The following MYO9B variants were observed in gnomAD, a reference collection of about 807,000 sequenced individuals.
The protein encoded by MYO9B is myosin IXB.
MYO9B carries 71 observed loss-of-function variants against 229.5 expected under a neutral mutation model. The ratio of observed to expected loss-of-function variants is 0.31; its 90% confidence interval spans 0.26 to 0.38. The LOEUF is 0.38. Ranked by LOEUF, MYO9B falls within the 10% of genes least tolerant of loss-of-function variation. MYO9B has a pLI of 1.00. For synonymous variants in MYO9B, 1,185 were observed against 1,235.8 expected (o/e 0.96, Z 0.86); for missense variants, 2,255 against 2,920.5 (o/e 0.77, Z 5.25).
At position 17,075,823 on chromosome 19, in the gene MYO9B, G is replaced by A; in HGVS notation, c.-110G>A. 1 of 150,598 alleles carries A rather than the reference G, an allele frequency of 6.6e-6. No individual in the cohort carries two copies. Among genetic ancestry groups the A allele is most frequent in the Non-Finnish European group, 1.5e-5 (1 of 67,186 alleles). 9.3% of individuals were successfully genotyped at this position (150,598 alleles called of 1,614,324 possible). ...AGCAGCGGCGGGCTGGCAGGCGGTC[G>A]TCCGGCCGGGGACCCGGCCCGGGAC... On this transcript the variant is annotated 5_prime_UTR_variant, in exon 1 of 40. Coordinates refer to ENST00000682292, the MANE Select transcript of MYO9B (RefSeq NM_004145.4).
intron 4 of MYO9B, 67 bp downstream of exon 4, chr19:17,152,773 G>C: frequency 2.2e-6 from 3 of 1,393,816 alleles, no homozygotes; most frequent in South Asian, 2.4e-5. Flanking sequence ...CTACAGAGGA[G>C]AGAAGCAAAG....
Position 17,101,937 on chromosome 19 carries a change from G to A in MYO9B, c.220G>A (p.Glu74Lys). ...GGTGGAGGTCAAAGAGTCGGGAGGC[G>A]AGGAATGGGTGCTGGACGCCAACGA... ...VLVEVKESGG[E>K]EWVLDANDSP... Residue 74 changes from glutamate (E) to lysine (K), a missense_variant, in exon 2 of 40, where the codon GAG (glutamate) becomes AAG (lysine). Physicochemically the swap from Glu to Lys is moderately conservative, Grantham distance 56 (BLOSUM62 1). Coordinates refer to ENST00000682292, the MANE Select transcript of MYO9B (RefSeq NM_004145.4). This position sits in a 1 kb window ranked among gnomAD's most constrained non-coding sequence, Gnocchi z 4.7. 10 of 1,613,562 alleles carry A rather than the reference G, an allele frequency of 6.2e-6. No homozygotes were observed. The highest frequency in any genetic ancestry group is 1.3e-5 in the African/African-American group (1 of 75,070).
chr19:17,096,152 C>T (rs2057686151), intron 1 of MYO9B, among the ~76,000 whole-genome samples: 1 of 152,170 alleles, frequency 6.6e-6, no homozygotes, highest in African/African-American at 2.4e-5. Flanking sequence ...CCATCCTGAA[C>T]TCGTTGGTTC....
At chr19:17,088,760 G>A (rs576898989) in intron 1 of MYO9B, among the ~76,000 whole-genome samples, 4 of 152,128 alleles carry the variant, frequency 2.6e-5, no homozygotes, top group South Asian at 4.2e-4. Flanking sequence ...GCGCCATCAC[G>A]GCTCACTGCA....
intron 22 of MYO9B, among the ~76,000 whole-genome samples, chr19:17,196,369 T>C (rs2073043453): frequency 6.6e-6 from 1 of 151,556 alleles, no homozygotes; most frequent in Non-Finnish European, 1.5e-5. Flanking sequence ...GGATGGATGA[T>C]ACAGATGATG....
At position 17,183,202 on chromosome 19, in the gene MYO9B, G is replaced by A. The variant is rs1185022732; in HGVS notation, c.2334-627G>A. On this transcript the variant is annotated intron_variant, in intron 15 of 39. Transcript: ENST00000682292. ...CTCCCAAAGTGCTGGGATTACAGGC[G>A]TGAGCCACTGCGCCTGGCCAGCTTT... Among the ~76,000 whole-genome samples, 7 of 152,296 alleles carry A rather than the reference G, an allele frequency of 4.6e-5. No homozygotes were observed. In the East Asian group the frequency reaches 1.4e-3, roughly 29 times the overall value.
In MYO9B at chr19:17,102,077, C is replaced by T. The variant is rs781350774; in HGVS notation, c.360C>T (p.Tyr120=). The change falls in exon 2 of 40, where the codon TAC becomes TAT. Residue 120 remains tyrosine (Y), a synonymous_variant. Coordinates refer to ENST00000682292, the MANE Select transcript of MYO9B (RefSeq NM_004145.4). The stretch of plus-strand genomic sequence containing the variant: ...GCAACGCAGATGGAACCATCAAGTA[C>T]GTGCATATGCAGCTGGTGGCGCAGG... The part of the protein sequence containing the change: ...QERNADGTIK[Y]VHMQLVAQAT... The T allele has an allele frequency of 1.8e-5, 29 of 1,612,638 alleles. No homozygotes were observed. The highest frequency in any genetic ancestry group is 1.6e-4 in the Middle Eastern group (1 of 6,084).
chr19:17,098,075 G>A (rs969548178), intron 1 of MYO9B, among the ~76,000 whole-genome samples: 1 of 133,612 alleles, frequency 7.5e-6, no homozygotes, highest in Admixed American at 8.1e-5. Context: ...TTTTCTTCAC[G>A]ATGGAGTCTC....
intron 10 of MYO9B, among the ~76,000 whole-genome samples, chr19:17,163,543 T>C: frequency 6.6e-6 from 1 of 150,554 alleles, no homozygotes; most frequent in East Asian, 1.9e-4. Flanking sequence ...AATTTTTGTA[T>C]TTTTTGTAGA....
chr19:17,106,536 G>T (rs1179283682), intron 2 of MYO9B, among the ~76,000 whole-genome samples: 2 of 152,240 alleles, frequency 1.3e-5, no homozygotes, highest in African/African-American at 4.8e-5. Flanking sequence ...ACTGCCAGTG[G>T]CCCCAGTGTC....
At chr19:17,103,863 C>G (rs971895341) in intron 2 of MYO9B, 1 of 152,000 alleles carries the variant, frequency 6.6e-6, no homozygotes, top group Non-Finnish European at 1.5e-5. Flanking sequence ...TGAGACCAGC[C>G]TGGCCAACAT....
rs762282043 is a variant in MYO9B, at chr19:17,206,833, AC to A, written c.5492+52del. 40 of 1,460,682 alleles carry A rather than the reference AC, an allele frequency of 2.7e-5. No individual in the cohort carries two copies. In the South Asian group the frequency reaches 4.4e-4, roughly 16 times the overall value. The allele number at this position is 1,460,682 out of a possible 1,614,324, so 90.5% of individuals were successfully genotyped here. A position where few individuals can be genotyped will look rare whatever the true frequency, so the allele number is the denominator to read the frequency against. Reference sequence around the variant, plus strand: ...CTGTGGGGTTAGGGTCGCATTGGGAACCCGCGAGGCAGCATTTCCCAGGAGG... The same window carrying A: ...CTGTGGGGTTAGGGTCGCATTGGGAACCGCGAGGCAGCATTTCCCAGGAGG... On this transcript the variant is annotated intron_variant, in intron 34 of 39. Coordinates refer to ENST00000682292, the MANE Select transcript of MYO9B (RefSeq NM_004145.4).
At chr19:17,210,409 G>A (rs777781425) in intron 37 of MYO9B, 29 bp downstream of exon 37, 1 of 1,567,422 alleles carries the variant, frequency 6.4e-7, no homozygotes, top group Admixed American at 1.9e-5. Flanking sequence ...GGCCCGCGGT[G>A]CATGTCTCCC....
intron 1 of MYO9B, among the ~76,000 whole-genome samples, chr19:17,085,583 G>A (rs1031482919): frequency 3.6e-4 from 55 of 152,046 alleles, no homozygotes; most frequent in Non-Finnish European, 4.6e-4. Flanking sequence ...CAGCTCTTTG[G>A]GAGGCTGAGG....
At chr19:17,134,864 G>C (rs911750957) in intron 2 of MYO9B, among the ~76,000 whole-genome samples, 2 of 152,000 alleles carry the variant, frequency 1.3e-5, no homozygotes, top group Non-Finnish European at 2.9e-5. Flanking sequence ...CCTGGGTTCA[G>C]ACGATTCTCC....
intron 1 of MYO9B, among the ~76,000 whole-genome samples, chr19:17,100,526 C>G (rs2057734910): frequency 1.3e-5 from 2 of 152,144 alleles, no homozygotes. Context: ...CTGCTACTTA[C>G]CACCTTCCTG....
At chr19:17,076,199 C>G (rs1415378533) in intron 1 of MYO9B, among the ~76,000 whole-genome samples, 1 of 146,910 alleles carries the variant, frequency 6.8e-6, no homozygotes, top group Non-Finnish European at 1.5e-5. Context: ...TGGGGAGGCA[C>G]GGAGGCGGGA....
In MYO9B at chr19:17,210,731, C is replaced by T. The variant is rs770519412; in HGVS notation, c.5813C>T (p.Thr1938Ile). The T allele has an allele frequency of 2.0e-5, 31 of 1,553,522 alleles. No individual in the cohort carries two copies. The highest frequency in any genetic ancestry group is 2.7e-5 in the Non-Finnish European group (31 of 1,148,730). Reference protein sequence around the residue: ...YEGVLNKSPKTRDIQEEELEV... With the variant: ...YEGVLNKSPKIRDIQEEELEV... ...TTGTTTCAGAACAAGAGCCCCAAGA[C>T]CCGGGACATCCAGGAGGAGGAGCTG... Residue 1938 changes from threonine (T) to isoleucine (I), a missense_variant, in exon 38 of 40, where the codon ACC becomes ATC. Physicochemically the swap from Thr to Ile is moderately conservative, Grantham distance 89. Transcript: ENST00000682292.
chr19:17,165,575 T>TA (rs533883420), intron 10 of MYO9B, among the ~76,000 whole-genome samples: 110 of 143,828 alleles, frequency 7.6e-4, no homozygotes, highest in South Asian at 1.1e-3. Context: ...ACCCTGTCTC[T>TA]AAAAAAAAAA....
Sources: gnomAD v4.1 joint callset for allele counts (sites outside exome capture counted in the v4.1 genomes callset) on GRCh38, gnomAD v4.1.1 for gene constraint, Gnocchi (gnomAD v3.1) non-coding constraint, MANE v1.5 for transcripts, NCBI Gene and HGNC (gene_info 2026-07-23, HGNC 2026-07-21) for gene names.